Variants in SORCS3 observed in about 807,000 individuals in gnomAD.
The protein encoded by SORCS3 is sortilin related VPS10 domain containing receptor 3.
SORCS3 carries 57 observed loss-of-function variants against 146.3 expected under a neutral mutation model. The ratio of observed to expected loss-of-function variants is 0.39; its 90% CI spans 0.31 to 0.49. The LOEUF (loss-of-function observed/expected upper bound fraction) is 0.49, where lower values mean the gene tolerates loss of function less well. SORCS3 is among the 20% of genes least tolerant of loss of function. The pLI is 0.92. For synonymous variants in SORCS3, 653 were observed against 618.5 expected (o/e 1.06, Z -0.83); for missense variants, 1,341 against 1,575.5 (o/e 0.85, Z 2.52).
intron 7 of SORCS3, among the ~76,000 whole-genome samples, chr10:105,112,522 T>G (rs778835714): frequency 2.0e-5 from 3 of 152,174 alleles, no homozygotes; most frequent in Non-Finnish European, 4.4e-5. Flanking sequence ...TCCTACTCTA[T>G]TGGAGAAGCT....
intron 19 of SORCS3, among the ~76,000 whole-genome samples, chr10:105,222,584 A>G (rs561419359): frequency 1.5e-3 from 228 of 152,276 alleles, no homozygotes; most frequent in Middle Eastern, 0.014. Flanking sequence ...AGTTTGATTT[A>G]GGGAGATATA....
At chr10:105,009,527 CAAAA>C (rs35368294) in intron 4 of SORCS3, among the ~76,000 whole-genome samples, 42 of 105,224 alleles carry the variant, frequency 4.0e-4, no homozygotes, top group Middle Eastern at 6.0e-3. Flanking sequence ...AACAAACAAA[CAAAA>C]AAAAAAAAAA....
chr10:104,732,868 G>T (rs2016724000), intron 1 of SORCS3, among the ~76,000 whole-genome samples: 2 of 152,118 alleles, frequency 1.3e-5, no homozygotes, highest in South Asian at 4.1e-4. Context: ...CCTAGGGGTG[G>T]GGGTAGCTGG....
intron 5 of SORCS3, among the ~76,000 whole-genome samples, chr10:105,065,211 C>A (rs1033740980): frequency 3.9e-5 from 6 of 152,092 alleles, no homozygotes; most frequent in Non-Finnish European, 8.8e-5. Flanking sequence ...TCCTTGTGCA[C>A]TTCAGCTTCC....
chr10:104,991,349 G>C (rs1166729376), intron 4 of SORCS3, among the ~76,000 whole-genome samples: 1 of 152,066 alleles, frequency 6.6e-6, no homozygotes, highest in East Asian at 1.9e-4. Flanking sequence ...TGAGATCAAG[G>C]TGTTGGCAGG....
At chr10:104,701,501 A>G (rs1457670754) in intron 1 of SORCS3, among the ~76,000 whole-genome samples, 2 of 152,222 alleles carry the variant, frequency 1.3e-5, no homozygotes, top group Non-Finnish European at 2.9e-5. Context: ...TGGAGAGCCC[A>G]TTCAAATCCA....
At chr10:104,984,892 C>A (rs1413147818) in intron 4 of SORCS3, among the ~76,000 whole-genome samples, 2 of 152,028 alleles carry the variant, frequency 1.3e-5, no homozygotes, top group African/African-American at 4.8e-5. Flanking sequence ...TTAAAAATAC[C>A]TTATTGCTAA....
At chr10:104,694,944 A>G (rs944697188) in intron 1 of SORCS3, among the ~76,000 whole-genome samples, 2 of 152,216 alleles carry the variant, frequency 1.3e-5, no homozygotes. Flanking sequence ...AATTTCCTAG[A>G]AACTCTTAGA....
rs781179956 is a variant in SORCS3, at chr10:105,211,164, G to C, written c.2289G>C (p.Glu763Asp). 5.0e-6 allele frequency: 8 copies of C among 1,614,034 alleles called. No individual in the cohort carries two copies. In the South Asian group the frequency reaches 6.6e-5, roughly 13 times the overall value. ...ECDYGYERHG[E>D]SQCVPAFWYN... The stretch of plus-strand genomic sequence containing the variant: ...ACTATGGGTATGAGAGACATGGGGA[G>C]AGCCAGTGTGTCCCAGCTTTCTGGT... The change falls in exon 17 of 27, where the codon GAG becomes GAC. Residue 763 changes from glutamate to aspartate, a missense_variant. Coordinates refer to ENST00000369701, the MANE Select transcript of SORCS3 (RefSeq NM_014978.3).
intron 1 of SORCS3, among the ~76,000 whole-genome samples, chr10:104,749,965 A>G (rs572908955): frequency 6.6e-6 from 1 of 152,370 alleles, no homozygotes; most frequent in East Asian, 1.9e-4. Context: ...CCAACAAATG[A>G]TAAAAATTAA....
At chr10:104,656,352 C>A (rs2015629264) in intron 1 of SORCS3, among the ~76,000 whole-genome samples, 1 of 152,074 alleles carries the variant, frequency 6.6e-6, no homozygotes, top group African/African-American at 2.4e-5. Context: ...GGGTTTAGTT[C>A]TTTATCCCAA....
chr10:105,180,269 C>G (rs141780572), intron 14 of SORCS3, among the ~76,000 whole-genome samples: 40 of 152,224 alleles, frequency 2.6e-4, no homozygotes, highest in African/African-American at 9.6e-4. Context: ...CTGAGTTGGT[C>G]TGGAAGTTTT....
At chr10:105,114,643 C>G (rs1185428734) in intron 7 of SORCS3, among the ~76,000 whole-genome samples, 1 of 152,108 alleles carries the variant, frequency 6.6e-6, no homozygotes, top group Non-Finnish European at 1.5e-5. Context: ...CTTCCTGAAC[C>G]TGTGGCACCC....
chr10:105,102,455 A>G (rs2055791507), intron 6 of SORCS3, among the ~76,000 whole-genome samples: 2 of 152,234 alleles, frequency 1.3e-5, no homozygotes, highest in Non-Finnish European at 2.9e-5. Context: ...ACATGTTCTC[A>G]TTTATAAGTG....
intron 4 of SORCS3, among the ~76,000 whole-genome samples, chr10:104,980,624 T>A (rs1378643574): frequency 6.6e-6 from 1 of 152,206 alleles, no homozygotes; most frequent in Non-Finnish European, 1.5e-5. Flanking sequence ...CAAAGGGAGA[T>A]GTTTGTGGTG....
chr10:105,178,743 T>C (rs1038021765), intron 14 of SORCS3, among the ~76,000 whole-genome samples: 1 of 152,202 alleles, frequency 6.6e-6, no homozygotes, highest in Admixed American at 6.5e-5. Context: ...TGTGCACATG[T>C]GTACATGGTG....
In SORCS3 at chr10:105,212,733, G is replaced by A. The variant is rs548886234; in HGVS notation, c.2375+1483G>A. 4.6e-5 allele frequency among the ~76,000 whole-genome samples: 7 copies of A among 152,308 alleles called. No individual in the cohort carries two copies. The South Asian group carries it at 1.2e-3, about 27-fold the overall frequency. On this transcript the variant is annotated intron_variant, in intron 17 of 26. Transcript: ENST00000369701. The stretch of plus-strand genomic sequence containing the variant: ...TTTACAAAATCATCAACCAGCTTGA[G>A]TTAATGGCCAATTGAGGCTGAAAAA...
intron 26 of SORCS3, 110 bp from the exon 27 acceptor site, chr10:105,263,200 C>A (rs184754249): frequency 3.1e-6 from 3 of 956,682 alleles, no homozygotes; most frequent in Non-Finnish European, 4.8e-6. Context: ...AAATAAATTC[C>A]TATTAAGCAC....
chr10:104,781,819 C>A (rs1031669985), intron 1 of SORCS3, among the ~76,000 whole-genome samples: 1 of 152,206 alleles, frequency 6.6e-6, no homozygotes, highest in African/African-American at 2.4e-5. Flanking sequence ...TTGTCCTGGC[C>A]TTTTGGTATC....
Sources: allele counts gnomAD v4.1 joint callset (sites outside exome capture counted in the v4.1 genomes callset), GRCh38; gene constraint gnomAD v4.1.1; transcripts MANE v1.5; gene names NCBI Gene and HGNC (gene_info 2026-07-23, HGNC 2026-07-21).